The following LRFN2 variants were observed in gnomAD, a reference collection of about 807,000 sequenced individuals.
LRFN2 encodes leucine rich repeat and fibronectin type III domain containing 2.
In LRFN2, 18 loss-of-function variants were observed where a neutral mutation model predicts 37.3. The ratio of observed to expected loss-of-function variants is 0.48; its 90% CI spans 0.33 to 0.72. The LOEUF (loss-of-function observed/expected upper bound fraction) is 0.72. Among genes scored for constraint, LRFN2 ranks in the 30% least tolerant of loss-of-function variants. The pLI is 0.02. For missense variants in LRFN2, 1,006 were observed against 1,060.7 expected, an observed-to-expected ratio of 0.95 and a Z score of 0.72; for synonymous variants, 556 against 466.6, an observed-to-expected ratio of 1.19 and a Z score of -2.47.
chr6:40,569,424 G>A (rs1390938745), intron 1 of LRFN2, among the ~76,000 whole-genome samples: 1 of 152,136 alleles, frequency 6.6e-6, no homozygotes, highest in Non-Finnish European at 1.5e-5. Flanking sequence ...AACAGGGTGT[G>A]GACTAGAGAA....
intron 1 of LRFN2, among the ~76,000 whole-genome samples, chr6:40,493,362 T>A (rs1765138449): frequency 6.6e-6 from 1 of 152,204 alleles, no homozygotes; most frequent in Non-Finnish European, 1.5e-5. Context: ...GTCTAATGCT[T>A]ACCAGCTGCT....
At chr6:40,553,569 G>A (rs1766816452) in intron 1 of LRFN2, among the ~76,000 whole-genome samples, 1 of 152,188 alleles carries the variant, frequency 6.6e-6, no homozygotes, top group Non-Finnish European at 1.5e-5. Flanking sequence ...GGTGGGGAAG[G>A]TCTAGGAGGG....
chr6:40,463,522 G>C (rs1167776592), intron 1 of LRFN2, among the ~76,000 whole-genome samples: 1 of 152,024 alleles, frequency 6.6e-6, no homozygotes, highest in Non-Finnish European at 1.5e-5. Flanking sequence ...CTTCCAATGG[G>C]TGCTAGTGTC....
intron 2 of LRFN2, among the ~76,000 whole-genome samples, chr6:40,403,460 T>C (rs2504847): frequency 0.66 from 100,045 of 152,054 alleles, 33,011 homozygotes; most frequent in South Asian, 0.77. Context: ...GTCCCTGTTC[T>C]TCTGCCCTTG....
At chr6:40,410,875 C>A (rs564585318) in intron 2 of LRFN2, among the ~76,000 whole-genome samples, 1 of 152,178 alleles carries the variant, frequency 6.6e-6, no homozygotes, top group South Asian at 2.1e-4. Context: ...CCTAGAGGTG[C>A]ACCATCCTGA....
At chr6:40,573,572 T>A (rs1258930094) in intron 1 of LRFN2, among the ~76,000 whole-genome samples, 1 of 152,200 alleles carries the variant, frequency 6.6e-6, no homozygotes, top group Non-Finnish European at 1.5e-5. Flanking sequence ...GGCATGGCAG[T>A]GGATATCAGA....
intron 1 of LRFN2, among the ~76,000 whole-genome samples, chr6:40,548,199 G>T (rs1452039120): frequency 6.6e-6 from 1 of 152,134 alleles, no homozygotes; most frequent in Non-Finnish European, 1.5e-5. Flanking sequence ...CAGCACTTTG[G>T]GAGGCCGAGG....
intron 1 of LRFN2, among the ~76,000 whole-genome samples, chr6:40,525,296 C>T (rs1766220336): frequency 6.6e-6 from 1 of 152,216 alleles, no homozygotes; most frequent in Non-Finnish European, 1.5e-5. Flanking sequence ...TGCAGGCTGG[C>T]TCTACTAGGC....
intron 2 of LRFN2, among the ~76,000 whole-genome samples, chr6:40,420,230 C>T (rs1444478434): frequency 2.0e-5 from 3 of 152,342 alleles, no homozygotes; most frequent in East Asian, 3.9e-4. Context: ...CGGGGTGGCC[C>T]ATCGCGTCCT....
chr6:40,558,790 T>A (rs1366981221), intron 1 of LRFN2, among the ~76,000 whole-genome samples: 1 of 152,234 alleles, frequency 6.6e-6, no homozygotes, highest in East Asian at 1.9e-4. Flanking sequence ...GTTAACGTTA[T>A]TAGTGCCTCC....
chr6:40,435,832 T>C (rs1473902666), intron 1 of LRFN2, among the ~76,000 whole-genome samples: 5 of 152,212 alleles, frequency 3.3e-5, no homozygotes, highest in Non-Finnish European at 5.9e-5. Flanking sequence ...AGATACGTAA[T>C]ATATTGAAAA....
chr6:40,582,552 T>C lies in LRFN2; in HGVS notation c.-19+4389A>G, dbSNP rs567897286. 1.4e-3 allele frequency among the ~76,000 whole-genome samples: 212 copies of C among 151,868 alleles called. 1 individual carries two copies. The highest frequency in any genetic ancestry group is 2.4e-3 in the Non-Finnish European group (164 of 67,958). Reference sequence around the variant, plus strand: ...CAGTCTGTTCCTCAGGTTGGTCTGGTCTCCATTAGGCTTGGCCCTTGGAGA... The same window carrying C: ...CAGTCTGTTCCTCAGGTTGGTCTGGCCTCCATTAGGCTTGGCCCTTGGAGA... On this transcript the variant is annotated intron_variant, in intron 1 of 2. Transcript: ENST00000338305.
At chr6:40,499,920 C>T (rs1449371698) in intron 1 of LRFN2, among the ~76,000 whole-genome samples, 1 of 152,218 alleles carries the variant, frequency 6.6e-6, no homozygotes. Flanking sequence ...CAGCACCTAC[C>T]TCACAAGGCC....
chr6:40,515,636 C>A (rs991717511), intron 1 of LRFN2, among the ~76,000 whole-genome samples: 42 of 152,168 alleles, frequency 2.8e-4, no homozygotes, highest in African/African-American at 2.4e-5. Flanking sequence ...CGCCTGTAAT[C>A]CCAGCACTTT....
chr6:40,549,702 C>A (rs1332398008), intron 1 of LRFN2, among the ~76,000 whole-genome samples: 1 of 151,440 alleles, frequency 6.6e-6, no homozygotes, highest in Non-Finnish European at 1.5e-5. Context: ...ATTGGGCTCA[C>A]CAGGAAGTGT....
chr6:40,437,083 C>T (rs1763698176), intron 1 of LRFN2, among the ~76,000 whole-genome samples: 2 of 152,110 alleles, frequency 1.3e-5, no homozygotes, highest in Non-Finnish European at 1.5e-5. Flanking sequence ...TCAGTAAATG[C>T]ATCAGTGTTC....
intron 1 of LRFN2, among the ~76,000 whole-genome samples, chr6:40,568,044 G>A (rs1030474312): frequency 7.9e-5 from 12 of 152,036 alleles, no homozygotes; most frequent in African/African-American, 2.2e-4. Context: ...CTTCCCAGAC[G>A]GTCTACAGTT....
chr6:40,472,382 G>T (rs1764619022), intron 1 of LRFN2, among the ~76,000 whole-genome samples: 1 of 152,210 alleles, frequency 6.6e-6, no homozygotes, highest in Admixed American at 6.5e-5. Context: ...TCACTTTTCT[G>T]TAGGCTGAGT....
At chr6:40,477,451 G>C (rs1328435139) in intron 1 of LRFN2, among the ~76,000 whole-genome samples, 1 of 152,188 alleles carries the variant, frequency 6.6e-6, no homozygotes, top group African/African-American at 2.4e-5. Flanking sequence ...ACCCAGAGAG[G>C]TTAGGTGTCT....
Sources: allele counts gnomAD v4.1 joint callset (sites outside exome capture counted in the v4.1 genomes callset), GRCh38; gene constraint gnomAD v4.1.1; transcripts MANE v1.5; gene names NCBI Gene and HGNC (gene_info 2026-07-23, HGNC 2026-07-21).